The following KAZN variants were observed in gnomAD, a reference collection of about 807,000 sequenced individuals.
KAZN encodes kazrin.
A neutral mutation model predicts 87.4 loss-of-function variants in KAZN; 40 were observed. The observed-to-expected ratio is 0.46, with a 90% CI of 0.36 to 0.60. The LOEUF (loss-of-function observed/expected upper bound fraction) is 0.60, where lower values mean the gene tolerates loss of function less well. Ranked by LOEUF, KAZN falls within the 20% of genes least tolerant of loss-of-function variation. The pLI is 0.00. For synonymous variants in KAZN, 466 were observed against 458.3 expected, an observed-to-expected ratio of 1.02 and a Z score of -0.22; for missense variants, 898 against 1,073.9, an observed-to-expected ratio of 0.84 and a Z score of 2.29.
intron 2 of KAZN, among the ~76,000 whole-genome samples, chr1:14,304,171 A>C (rs895341335): frequency 2.6e-5 from 4 of 152,214 alleles, no homozygotes; most frequent in African/African-American, 9.6e-5. Flanking sequence ...GCCCAGAAGA[A>C]TTTGAATGAC....
At chr1:14,987,241 T>A (rs1453876706) in intron 2 of KAZN, among the ~76,000 whole-genome samples, 1 of 152,126 alleles carries the variant, frequency 6.6e-6, no homozygotes, top group Non-Finnish European at 1.5e-5. Context: ...ACGCTTGTAA[T>A]CCCAGCACTT....
intron 1 of KAZN, among the ~76,000 whole-genome samples, chr1:13,954,957 A>G (rs1641487808): frequency 6.6e-6 from 1 of 152,144 alleles, no homozygotes; most frequent in South Asian, 2.1e-4. Context: ...AGAGAGCTCC[A>G]ATTCGTCTTA....
At chr1:14,373,057 G>A (rs1457889453) in intron 2 of KAZN, among the ~76,000 whole-genome samples, 5 of 152,112 alleles carry the variant, frequency 3.3e-5, no homozygotes, top group East Asian at 3.9e-4. Context: ...AGGTTGCCAC[G>A]TGACCAGCTG....
At chr1:14,011,870 G>A (rs147639994) in intron 1 of KAZN, among the ~76,000 whole-genome samples, 28 of 152,302 alleles carry the variant, frequency 1.8e-4, no homozygotes, top group African/African-American at 6.3e-4. Flanking sequence ...CAGGCTGGCA[G>A]ATGTTCTCAC....
chr1:14,930,830 A>G (rs544690325), intron 1 of KAZN, among the ~76,000 whole-genome samples: 3 of 152,284 alleles, frequency 2.0e-5, no homozygotes, highest in South Asian at 4.1e-4. Flanking sequence ...TGGCTTGCCA[A>G]TCAGCCAGAG....
chr1:14,578,203 G>A (rs1007793005), intron 2 of KAZN, among the ~76,000 whole-genome samples: 5 of 151,882 alleles, frequency 3.3e-5, no homozygotes, highest in Non-Finnish European at 7.4e-5. Context: ...CCTTACCCAA[G>A]AAAAACAAGT....
At position 13,916,549 on chromosome 1, in the gene KAZN, G is replaced by A. The variant is rs144342059; in HGVS notation, c.91+22793G>A. The stretch of plus-strand genomic sequence containing the variant: ...CTACACATTTAGAAGTGGCCAGGAC[G>A]GGGTCCCTGTGCTCTTGCTGCTCAG... On this transcript the variant is annotated intron_variant, in intron 1 of 16. Coordinates refer to the KAZN transcript ENST00000636203. 7.5e-3 allele frequency among the ~76,000 whole-genome samples: 1,148 copies of A among 152,264 alleles called. 17 individuals carry two copies. The highest frequency in any genetic ancestry group is 0.026 in the African/African-American group (1,086 of 41,550).
At chr1:14,578,816 C>G (rs1007498006) in intron 2 of KAZN, among the ~76,000 whole-genome samples, 5 of 152,108 alleles carry the variant, frequency 3.3e-5, no homozygotes, top group Non-Finnish European at 7.4e-5. Context: ...AGCCCTTATT[C>G]TATTTAGGAA....
Position 14,431,808 on chromosome 1 carries a change from C to G in KAZN, c.250-167175C>G, listed in dbSNP as rs375161851. ...TCCAGGGGCTCTCAGGCCTTTGCAA[C>G]AGACTGAAGGCTGCACTGTTGTCTT... is the stretch of plus-strand genomic sequence containing the variant. On this transcript the variant is annotated intron_variant, in intron 2 of 16. Coordinates refer to the KAZN transcript ENST00000636203. 3.3e-5 allele frequency among the ~76,000 whole-genome samples: 5 copies of G among 152,314 alleles called. No homozygotes were observed. The East Asian group carries it at 9.7e-4, about 29-fold the overall frequency.
intron 2 of KAZN, among the ~76,000 whole-genome samples, chr1:14,572,577 T>C (rs1027338105): frequency 6.6e-6 from 1 of 152,204 alleles, no homozygotes; most frequent in African/African-American, 2.4e-5. Context: ...CCAGTACAGT[T>C]TGCCGGCTGG....
In KAZN at chr1:14,684,947, C is replaced by T. The variant is rs529827795; in HGVS notation, c.226+85724C>T. ...GGGGACATCTTTGGGGGCCATTATACAGGCTACCACAGATGGGATTGTGTA... is the reference window on the plus strand; with the variant it reads ...GGGGACATCTTTGGGGGCCATTATATAGGCTACCACAGATGGGATTGTGTA... On this transcript the variant is annotated intron_variant, in intron 1 of 14. Transcript: ENST00000376030. 2.0e-5 allele frequency among the ~76,000 whole-genome samples: 3 copies of T among 152,270 alleles called. No homozygotes were observed. The East Asian group carries it at 5.8e-4, about 29-fold the overall frequency.
At chr1:14,224,746 A>G (rs1157326786) in intron 2 of KAZN, among the ~76,000 whole-genome samples, 2 of 152,158 alleles carry the variant, frequency 1.3e-5, no homozygotes, top group African/African-American at 4.8e-5. Context: ...TCCAGGTCTC[A>G]GGGAAAAAAT....
chr1:14,341,210 T>A (rs1657699878), intron 2 of KAZN, among the ~76,000 whole-genome samples: 1 of 152,130 alleles, frequency 6.6e-6, no homozygotes, highest in East Asian at 1.9e-4. Context: ...CCTTATTTTT[T>A]AAAAAAGATT....
intron 1 of KAZN, among the ~76,000 whole-genome samples, chr1:14,866,788 A>G (rs1397006544): frequency 1.3e-5 from 2 of 152,108 alleles, no homozygotes; most frequent in African/African-American, 4.8e-5. Context: ...ACCCAAATGA[A>G]TCCAAAGGTC....
chr1:14,931,145 AG>A (rs1659765677), intron 1 of KAZN, among the ~76,000 whole-genome samples: 1 of 151,996 alleles, frequency 6.6e-6, no homozygotes, highest in African/African-American at 2.4e-5. Context: ...ACCTTAGAAA[AG>A]GTATGGGAGG....
At chr1:14,369,133 G>C (rs376176586) in intron 2 of KAZN, among the ~76,000 whole-genome samples, 2 of 152,212 alleles carry the variant, frequency 1.3e-5, no homozygotes, top group African/African-American at 4.8e-5. Flanking sequence ...CCTCAGGAAA[G>C]AATCAGATGG....
chr1:14,238,114 A>G (rs960014673), intron 2 of KAZN, among the ~76,000 whole-genome samples: 3 of 152,214 alleles, frequency 2.0e-5, no homozygotes, highest in Non-Finnish European at 4.4e-5. Context: ...GGTGTTGAGT[A>G]TATTCACAGA....
At chr1:14,356,328 C>T (rs527510683) in intron 2 of KAZN, among the ~76,000 whole-genome samples, 13 of 152,222 alleles carry the variant, frequency 8.5e-5, no homozygotes, top group African/African-American at 3.1e-4. Flanking sequence ...GATATTAGCC[C>T]TTTGTCAGAT....
In KAZN at chr1:14,960,842, C is replaced by G. The variant is rs761762201; in HGVS notation, c.385C>G (p.Gln129Glu). The change falls in exon 2 of 15, where the codon CAG (glutamine) becomes GAG (glutamate). Residue 129 changes from glutamine to glutamate, a missense_variant. Coordinates refer to ENST00000376030, the MANE Select transcript of KAZN (RefSeq NM_201628.3). Reference sequence around the variant, plus strand: ...CAGGGTCCAGCTGGCCCAGAAGGAGCAGGAGCTAGCCAGAGCCAAAGAAGC... The same window carrying G: ...CAGGGTCCAGCTGGCCCAGAAGGAGGAGGAGCTAGCCAGAGCCAAAGAAGC... ...ELRVQLAQKEQELARAKEALQ... is the reference protein window; with the variant it reads ...ELRVQLAQKEEELARAKEALQ... The G allele has an allele frequency of 1.9e-6, 3 of 1,612,162 alleles. No individual in the cohort carries two copies. Among genetic ancestry groups the G allele is most frequent in the Non-Finnish European group, 2.5e-6 (3 of 1,179,406 alleles).
Sources: gnomAD v4.1 joint callset for allele counts (sites outside exome capture counted in the v4.1 genomes callset) on GRCh38, gnomAD v4.1.1 for gene constraint, MANE v1.5 for transcripts, NCBI Gene and HGNC (gene_info 2026-07-23, HGNC 2026-07-21) for gene names.